The following CASD1 variants were observed in gnomAD, a reference collection of about 807,000 sequenced individuals.
CASD1 encodes N-acetylneuraminate (7)9-O-acetyltransferase.
CASD1 carries 41 observed loss-of-function variants against 100.0 expected under a neutral mutation model. The observed-to-expected ratio is 0.41, with a 90% CI of 0.32 to 0.53. The LOEUF (loss-of-function observed/expected upper bound fraction) is 0.53. CASD1 is among the 20% of genes least tolerant of loss of function. The pLI, the probability that CASD1 is intolerant of heterozygous loss-of-function variation, is 0.25. For synonymous variants in CASD1, 321 were observed against 315.6 expected (o/e 1.02, Z -0.18); for missense variants, 774 against 948.7 (o/e 0.82, Z 2.42).
the CASD1 span, chr7:94,619,744 A>G: frequency 6.6e-6 from 1 of 152,194 alleles, no homozygotes; most frequent in Non-Finnish European, 1.5e-5. Context: ...GGTGAATTAG[A>G]ACATTTAATT....
At chr7:94,520,321 G>T (rs961913029) in intron 3 of CASD1, among the ~76,000 whole-genome samples, 1 of 151,954 alleles carries the variant, frequency 6.6e-6, no homozygotes, top group African/African-American at 2.4e-5. Flanking sequence ...GCCTGGTATG[G>T]GTATGTCTGG....
chr7:94,533,414 T>G (rs1485387321), intron 6 of CASD1, among the ~76,000 whole-genome samples, 165 bp downstream of exon 6: 1 of 152,188 alleles, frequency 6.6e-6, no homozygotes, highest in African/African-American at 2.4e-5. Flanking sequence ...TGGAATTAAC[T>G]TAGGAAACTT....
chr7:94,512,562 C>T (rs954885443), intron 1 of CASD1, among the ~76,000 whole-genome samples: 4 of 152,138 alleles, frequency 2.6e-5, no homozygotes, highest in East Asian at 1.9e-4. Context: ...TAAAGCTTGG[C>T]GAATACTGTG....
At chr7:94,532,919 G>T (rs533722962) in intron 5 of CASD1, among the ~76,000 whole-genome samples, 1 of 152,132 alleles carries the variant, frequency 6.6e-6, no homozygotes, top group South Asian at 2.1e-4. Context: ...AGAATATTAG[G>T]TCGTGTTAGA....
At chr7:94,629,857 AAAGAT>A in the CASD1 span, 1 of 1,609,898 alleles carries the variant, frequency 6.2e-7, no homozygotes, top group African/African-American at 1.3e-5. Flanking sequence ...AACAAAGAGG[AAAGAT>A]AAGTGACAGA....
In CASD1 at chr7:94,538,959, T is replaced by C; in HGVS notation, c.1267-8T>C. 1 of 1,534,838 alleles carries C rather than the reference T, an allele frequency of 6.5e-7. No individual in the cohort carries two copies. The highest frequency in any genetic ancestry group is 9.0e-7 in the Non-Finnish European group (1 of 1,117,286). ...AATTTTAAAACAGATTTTGGTTCCT[T>C]TACACAGACTAAAGTATTAAATAGA... On this transcript the variant is annotated splice_region_variant and splice_polypyrimidine_tract_variant and intron_variant, in intron 9 of 17. Transcript: ENST00000297273.
At chr7:94,518,044 C>T (rs1447291404) in intron 2 of CASD1, among the ~76,000 whole-genome samples, 159 bp from the exon 3 acceptor site, 1 of 152,144 alleles carries the variant, frequency 6.6e-6, no homozygotes, top group Non-Finnish European at 1.5e-5. Flanking sequence ...ATTACAGGAA[C>T]GTGGAGTGGT....
At chr7:94,609,635 C>T in the CASD1 span, among the ~76,000 whole-genome samples, 5 of 152,312 alleles carry the variant, frequency 3.3e-5, no homozygotes, top group South Asian at 8.3e-4. Flanking sequence ...CTTTACATAT[C>T]ATCATGGAAA....
At position 94,513,316 on chromosome 7, in the gene CASD1, A is replaced by G. The variant is rs1014981591; in HGVS notation, c.133+3099A>G. On this transcript the variant is annotated intron_variant, in intron 1 of 17. Transcript: ENST00000297273. ...AAAAAAAAAAAAAAAAATCAACTTT[A>G]TTGTACCAGCTAAGAGTTTTTCTAT... Among the ~76,000 whole-genome samples, 5 of 146,728 alleles carry G rather than the reference A, an allele frequency of 3.4e-5. No individual in the cohort carries two copies. The South Asian group carries it at 1.1e-3, about 31-fold the overall frequency.
the CASD1 span, among the ~76,000 whole-genome samples, chr7:94,574,138 G>A: frequency 6.6e-5 from 10 of 152,212 alleles, no homozygotes; most frequent in Admixed American, 3.9e-4. Flanking sequence ...CAAGTATTTT[G>A]TTGAGGATTT....
the CASD1 span, among the ~76,000 whole-genome samples, chr7:94,596,913 T>C: frequency 6.6e-6 from 1 of 152,150 alleles, no homozygotes; most frequent in South Asian, 2.1e-4. Context: ...AAAGAATAAG[T>C]ACAAATTCTT....
At chr7:94,578,282 A>G in the CASD1 span, among the ~76,000 whole-genome samples, 19 of 152,246 alleles carry the variant, frequency 1.2e-4, no homozygotes, top group South Asian at 2.1e-4. Context: ...TTTATTTCCA[A>G]TGTTTTTAGA....
In CASD1 at chr7:94,537,682, G is replaced by A. The variant is rs1315827847; in HGVS notation, c.1054G>A (p.Glu352Lys). The A allele has an allele frequency of 6.2e-7, 1 of 1,613,528 alleles. No homozygotes were observed. Residue 352 changes from glutamate to lysine, a missense_variant, in exon 9 of 18, where the codon GAA becomes AAA. Coordinates refer to ENST00000297273, the MANE Select transcript of CASD1 (RefSeq NM_022900.5). ...KPCTDLESGE[E>K]KKNIINTPVS... ...GTGTACTGATTTGGAAAGTGGAGAG[G>A]AAAAGAAAAATATTATCAATACCCC... is the stretch of plus-strand genomic sequence containing the variant.
intron 3 of CASD1, among the ~76,000 whole-genome samples, chr7:94,518,682 TA>T (rs1487841600): frequency 1.3e-5 from 2 of 152,070 alleles, no homozygotes; most frequent in South Asian, 2.1e-4. Flanking sequence ...TCTCTTTTTT[TA>T]AAAAAACATA....
At chr7:94,581,203 G>C in the CASD1 span, among the ~76,000 whole-genome samples, 1 of 152,076 alleles carries the variant, frequency 6.6e-6, no homozygotes, top group Non-Finnish European at 1.5e-5. Flanking sequence ...AAGCTTAAAG[G>C]CTCTTAGAAC....
chr7:94,588,699 C>A, the CASD1 span: 1 of 1,603,162 alleles, frequency 6.2e-7, no homozygotes, highest in Non-Finnish European at 8.5e-7. Flanking sequence ...CTGTAGTCTG[C>A]TGTTGGGGAA....
rs757794030 is a variant in CASD1, at chr7:94,510,080, C to G, written c.-5C>G. On this transcript the variant is annotated 5_prime_UTR_variant, in exon 1 of 18. Transcript: ENST00000297273. Reference sequence around the variant, plus strand: ...GCCGCGCACTGTTGTCATGGAGGAACCAAGATGGCGGCTCTGGCCTACAAC... The same window carrying G: ...GCCGCGCACTGTTGTCATGGAGGAAGCAAGATGGCGGCTCTGGCCTACAAC... 1 of 1,515,548 alleles carries G rather than the reference C, an allele frequency of 6.6e-7. No homozygotes were observed. Among genetic ancestry groups the G allele is most frequent in the African/African-American group, 1.4e-5 (1 of 69,734 alleles). 93.9% of individuals were successfully genotyped at this position (1,515,548 alleles called of 1,614,324 possible). A position where few individuals can be genotyped will look rare whatever the true frequency, so the allele number is the denominator to read the frequency against.
the CASD1 span, chr7:94,603,233 G>A: frequency 5.4e-4 from 770 of 1,413,298 alleles, 6 homozygotes; most frequent in African/African-American, 9.9e-3. Context: ...TTAGTCAAAC[G>A]TTAACTCCAG....
rs1221388002 is a variant in CASD1 at position 94,555,696 on chromosome 7, A to G, written c.2332A>G (p.Ile778Val). ...NSSLLKRLAC[I>V]AAFFCGLLIL... ...ATCTCTCTTGAAAAGGTTGGCATGT[A>G]TAGCTGCATTTTTTTGTGGACTCCT... Residue 778 changes from isoleucine to valine, a missense_variant, in exon 18 of 18, where the codon ATA (isoleucine) becomes GTA (valine). By Grantham distance (29) the Ile-to-Val change is conservative. This residue lies in a region of CASD1 where 175 missense variants were observed against 206.9 expected (regional missense o/e 0.85). Transcript: ENST00000297273. The G allele has an allele frequency of 9.3e-6, 15 of 1,613,432 alleles. No individual in the cohort carries two copies. The highest frequency in any genetic ancestry group is 2.2e-5 in the East Asian group (1 of 44,844).
Sources: allele counts gnomAD v4.1 joint callset (sites outside exome capture counted in the v4.1 genomes callset), GRCh38; gene constraint gnomAD v4.1.1; regional missense constraint gnomAD v4.1.1; transcripts MANE v1.5; gene names NCBI Gene and HGNC (gene_info 2026-07-23, HGNC 2026-07-21).